The following ZRANB3 variants were observed in gnomAD, a reference collection of about 807,000 sequenced individuals.
ZRANB3 encodes DNA annealing helicase and endonuclease ZRANB3.
In ZRANB3, 125 loss-of-function variants were observed where a neutral mutation model predicts 133.8. The ratio of observed to expected loss-of-function variants is 0.93; its 90% CI spans 0.81 to 1.08. The LOEUF (loss-of-function observed/expected upper bound fraction) is 1.08. ZRANB3 is among the 50% of genes least tolerant of loss of function. The pLI is 0.00. For missense variants in ZRANB3, 1,229 were observed against 1,275.5 expected (o/e 0.96, Z 0.56); for synonymous variants, 387 against 432.7 (o/e 0.89, Z 1.31).
chr2:135,378,177 C>G (rs902608595), intron 3 of ZRANB3, among the ~76,000 whole-genome samples: 2 of 152,172 alleles, frequency 1.3e-5, no homozygotes, highest in Admixed American at 1.3e-4. Flanking sequence ...CTCTAGAGAA[C>G]CCTGACTAAC....
At chr2:135,457,930 T>C (rs1158829306) in intron 2 of ZRANB3, among the ~76,000 whole-genome samples, 3 of 152,138 alleles carry the variant, frequency 2.0e-5, no homozygotes, top group Admixed American at 6.5e-5. Context: ...ATTCAGTTTA[T>C]GTACTTTTAA....
intron 2 of ZRANB3, among the ~76,000 whole-genome samples, chr2:135,391,085 T>C (rs533385180): frequency 1.3e-5 from 2 of 152,294 alleles, no homozygotes; most frequent in East Asian, 3.9e-4. Context: ...GGTATCGATC[T>C]CTTGACCTCG....
At chr2:135,384,508 C>G (rs1176842898) in intron 3 of ZRANB3, among the ~76,000 whole-genome samples, 2 of 152,160 alleles carry the variant, frequency 1.3e-5, no homozygotes, top group Non-Finnish European at 2.9e-5. Context: ...GCAGCATCAT[C>G]CTGATACCAA....
intron 3 of ZRANB3, chr2:135,355,256 G>A (rs1451091087): frequency 1.1e-5 from 11 of 985,056 alleles, no homozygotes; most frequent in African/African-American, 3.5e-5. Context: ...GTATGTTTCC[G>A]TGTCTTCAAA....
intron 2 of ZRANB3, among the ~76,000 whole-genome samples, chr2:135,453,520 T>TAG (rs1690367082): frequency 6.6e-6 from 1 of 152,198 alleles, no homozygotes; most frequent in Non-Finnish European, 1.5e-5. Context: ...ACCTCTTGAA[T>TAG]CCTTTTCTGC....
At chr2:135,360,136 T>G (rs569512859) in intron 3 of ZRANB3, among the ~76,000 whole-genome samples, 1 of 152,098 alleles carries the variant, frequency 6.6e-6, no homozygotes, top group African/African-American at 2.4e-5. Context: ...CCCAGCACTT[T>G]GGGAGGCTGA....
chr2:135,329,134 C>T (rs1651363846), intron 6 of ZRANB3, among the ~76,000 whole-genome samples: 1 of 152,196 alleles, frequency 6.6e-6, no homozygotes, highest in South Asian at 2.1e-4. Context: ...GGCCCTTGCC[C>T]ATGCCTATAT....
At chr2:135,260,508 G>A (rs1330588706) in intron 12 of ZRANB3, among the ~76,000 whole-genome samples, 1 of 151,410 alleles carries the variant, frequency 6.6e-6, no homozygotes, top group East Asian at 1.9e-4. Context: ...GTAAAGAATT[G>A]TGACTCATAC....
intron 2 of ZRANB3, among the ~76,000 whole-genome samples, chr2:135,477,078 ACAT>A (rs1420281202): frequency 1.3e-5 from 2 of 152,208 alleles, no homozygotes; most frequent in Non-Finnish European, 2.9e-5. Context: ...ATTTGCTTAT[ACAT>A]CATCACTTTT....
intron 2 of ZRANB3, among the ~76,000 whole-genome samples, chr2:135,400,594 A>G (rs1558971453): frequency 1.3e-5 from 2 of 152,194 alleles, no homozygotes; most frequent in African/African-American, 4.8e-5. Context: ...CTTATGTATC[A>G]AACTAAAGTC....
At chr2:135,213,692 T>C (rs544180768) in intron 17 of ZRANB3, among the ~76,000 whole-genome samples, 1 of 152,306 alleles carries the variant, frequency 6.6e-6, no homozygotes, top group South Asian at 2.1e-4. Flanking sequence ...TATACTAGAA[T>C]AGTCTTTTAA....
chr2:135,212,615 C>T lies in ZRANB3; in HGVS notation c.2496-3637G>A, dbSNP rs533860191. 1.6e-4 allele frequency among the ~76,000 whole-genome samples: 25 copies of T among 152,122 alleles called. No homozygotes were observed. In the South Asian group the frequency reaches 5.2e-3, roughly 32 times the overall value. On this transcript the variant is annotated intron_variant, in intron 17 of 20. Transcript: ENST00000264159. ...CTTTTCAAACGTAGTTGCAAGTTGC[C>T]GATACTTAATTTTCTACTGAGGTTT...
At chr2:135,460,180 G>C (rs1252629431) in intron 2 of ZRANB3, among the ~76,000 whole-genome samples, 2 of 152,068 alleles carry the variant, frequency 1.3e-5, no homozygotes, top group Non-Finnish European at 2.9e-5. Context: ...ACCTGTAGCT[G>C]CAAGAAGTCC....
chr2:135,455,558 A>ACTAC (rs1225262269), intron 2 of ZRANB3, among the ~76,000 whole-genome samples: 1 of 146,854 alleles, frequency 6.8e-6, no homozygotes, highest in Non-Finnish European at 1.5e-5. Flanking sequence ...ATGACTCCAT[A>ACTAC]CTACTACTGA....
intron 2 of ZRANB3, among the ~76,000 whole-genome samples, chr2:135,475,765 C>A (rs1691474605): frequency 6.6e-6 from 1 of 152,058 alleles, no homozygotes; most frequent in African/African-American, 2.4e-5. Context: ...ATTAAAGTGG[C>A]TAATAAGGCA....
intron 2 of ZRANB3, among the ~76,000 whole-genome samples, chr2:135,459,173 A>G (rs930609775): frequency 6.6e-6 from 1 of 152,116 alleles, no homozygotes; most frequent in Admixed American, 6.5e-5. Context: ...CCGGCCTAAT[A>G]CTGTATTAAT....
At chr2:135,498,094 A>G (rs1692763880) in intron 2 of ZRANB3, among the ~76,000 whole-genome samples, 1 of 151,564 alleles carries the variant, frequency 6.6e-6, no homozygotes. Context: ...TAAATAAATA[A>G]ATAAATAATC....
intron 17 of ZRANB3, among the ~76,000 whole-genome samples, chr2:135,211,222 T>C (rs753409979): frequency 3.9e-5 from 6 of 152,092 alleles, no homozygotes; most frequent in Non-Finnish European, 8.8e-5. Context: ...TCATCACTAA[T>C]TCCAGAATAT....
At chr2:135,511,036 T>C in intron 1 of ZRANB3, 1 of 778,694 alleles carries the variant, frequency 1.3e-6, no homozygotes, top group South Asian at 1.3e-5. Context: ...TGTTCTCACA[T>C]CCTTTGATCC....
Sources: gnomAD v4.1 joint callset for allele counts (sites outside exome capture counted in the v4.1 genomes callset) on GRCh38, gnomAD v4.1.1 for gene constraint, MANE v1.5 for transcripts, NCBI Gene and HGNC (gene_info 2026-07-23, HGNC 2026-07-21) for gene names.